BCR: variants seen among roughly 807,000 people sequenced by gnomAD.
BCR encodes BCR activator of RhoGEF and GTPase, also known as breakpoint cluster region protein.
Under a neutral mutation model 138.6 loss-of-function variants are expected in BCR, and 58 were observed. That is an observed-to-expected ratio of 0.42 (90% confidence interval 0.34 to 0.52). The LOEUF (loss-of-function observed/expected upper bound fraction) is 0.52. BCR is among the 20% of genes least tolerant of loss of function. The pLI, the probability that BCR is intolerant of heterozygous loss-of-function variation, is 0.06. For missense variants in BCR, 1,599 were observed against 1,727.2 expected, an observed-to-expected ratio of 0.93 and a Z score of 1.32; for synonymous variants, 786 against 730.1, an observed-to-expected ratio of 1.08 and a Z score of -1.23.
At chr22:23,303,151 T>G (rs1035248770) in intron 16 of BCR, among the ~76,000 whole-genome samples, 4 of 152,126 alleles carry the variant, frequency 2.6e-5, no homozygotes, top group African/African-American at 9.7e-5. Flanking sequence ...AAACTCTAGA[T>G]CCATTAAACA....
At chr22:23,216,498 G>A (rs1017251252) in intron 1 of BCR, among the ~76,000 whole-genome samples, 3 of 152,222 alleles carry the variant, frequency 2.0e-5, no homozygotes, top group Non-Finnish European at 4.4e-5. Context: ...TCATCCGATG[G>A]TAAGGATGAA....
intron 1 of BCR, among the ~76,000 whole-genome samples, chr22:23,210,408 C>T (rs1195388744): frequency 6.7e-6 from 1 of 149,656 alleles, no homozygotes; most frequent in Non-Finnish European, 1.5e-5. Context: ...CAGAGTAAGA[C>T]CCTGTCTCAA....
rs1176642153 is a variant in BCR, at chr22:23,284,057, C to T, written c.2196C>T (p.Thr732=). The T allele has an allele frequency of 4.3e-6, 7 of 1,610,478 alleles. No individual in the cohort carries two copies. The highest frequency in any genetic ancestry group is 2.2e-5 in the East Asian group (1 of 44,774). ...AGCTGCGCCACGTCTTCCTGTTCACCGACCTGCTTCTCTGCACCAAGCTCA... is the reference window on the plus strand; with the variant it reads ...AGCTGCGCCACGTCTTCCTGTTCACTGACCTGCTTCTCTGCACCAAGCTCA... ...ARKLRHVFLF[T]DLLLCTKLKK... Residue 732 remains threonine (T), a synonymous_variant, in exon 9 of 23, where the codon ACC becomes ACT. Transcript: ENST00000305877.
chr22:23,267,137 A>G (rs2073451625), intron 4 of BCR, among the ~76,000 whole-genome samples: 1 of 152,094 alleles, frequency 6.6e-6, no homozygotes, highest in Admixed American at 6.5e-5. Context: ...GCCGTGTCTG[A>G]ATTGTTTACC....
In BCR at chr22:23,180,894, GGCGCCGC is replaced by G. The variant is rs2072239025; in HGVS notation, c.-64_-58del. The G allele has an allele frequency of 1.9e-5, 16 of 839,516 alleles. No homozygotes were observed. Among genetic ancestry groups the G allele is most frequent in the African/African-American group, 6.3e-5 (1 of 15,832 alleles). The allele number at this position is 839,516 out of a possible 1,614,324, so 52.0% of individuals were successfully genotyped here. A position where few individuals can be genotyped will look rare whatever the true frequency, so the allele number is the denominator to read the frequency against. On this transcript the variant is annotated 5_prime_UTR_variant, in exon 1 of 23. The change creates a premature stop within an existing upstream ORF in the 5' untranslated region. Transcript: ENST00000305877. ...CCGGCGCCCGGGGCCGGGCTGGCGA[GGCGCCGC>G]GCCGCCGCTGAGACGGGCCCCGCGC...
intron 1 of BCR, among the ~76,000 whole-genome samples, chr22:23,236,995 CAGA>C (rs941157583): frequency 5.9e-5 from 9 of 152,196 alleles, no homozygotes; most frequent in South Asian, 2.1e-4. Context: ...GAGGATTTTC[CAGA>C]AGAAGTGCCA....
intron 1 of BCR, among the ~76,000 whole-genome samples, chr22:23,216,041 C>T (rs746215365): frequency 2.0e-5 from 3 of 152,200 alleles, no homozygotes; most frequent in African/African-American, 7.2e-5. Flanking sequence ...ATGTAACCTT[C>T]TGTTTCCCTT....
intron 10 of BCR, among the ~76,000 whole-genome samples, chr22:23,286,182 C>G (rs116152354): frequency 0.029 from 4,346 of 152,322 alleles, 172 homozygotes; most frequent in Admixed American, 0.094. Flanking sequence ...GCCCAGGTGG[C>G]AGTGCCACCC....
In BCR at chr22:23,310,184, G is replaced by A. The variant is rs532204580; in HGVS notation, c.3073-140G>A. 1.1e-3 allele frequency: 492 copies of A among 454,652 alleles called. 1 individual carries two copies. The highest frequency in any genetic ancestry group is 3.3e-3 in the Admixed American group (101 of 30,522). The allele number at this position is 454,652 out of a possible 1,614,324, so 28.2% of individuals were successfully genotyped here. On this transcript the variant is annotated intron_variant, in intron 17 of 22. Coordinates refer to ENST00000305877, the MANE Select transcript of BCR (RefSeq NM_004327.4). ...GCTGAAGTAGACTAGGGGCTTCCCC[G>A]AGGGGCGGCTCCACCTCATGCTGAG... is the stretch of plus-strand genomic sequence containing the variant.
intron 1 of BCR, among the ~76,000 whole-genome samples, chr22:23,203,107 G>A (rs113739229): frequency 0.011 from 1,741 of 151,532 alleles, 34 homozygotes; most frequent in African/African-American, 0.04. Flanking sequence ...TGATCTGCCC[G>A]CCTTGGCTTC....
rs1262118095 is a variant in BCR, at chr22:23,181,100, A to T, written c.140A>T (p.Gln47Leu). ...AAGGCCTCCATTCGGCGCCTGGAGC[A>T]GGAGGTGAACCAGGAGCGCTTCCGC... ...RCKASIRRLE[Q>L]EVNQERFRMI... is the part of the protein sequence containing the mutation. The change falls in exon 1 of 23, where the codon CAG becomes CTG. Residue 47 changes from glutamine to leucine, a missense_variant. Transcript: ENST00000305877. 3 of 1,511,354 alleles carry T rather than the reference A, an allele frequency of 2.0e-6. No individual in the cohort carries two copies. The highest frequency in any genetic ancestry group is 2.7e-6 in the Non-Finnish European group (3 of 1,123,228). The allele number at this position is 1,511,354 out of a possible 1,614,324, so 93.6% of individuals were successfully genotyped here.
intron 4 of BCR, chr22:23,262,113 C>G (rs2073367911): frequency 6.6e-6 from 1 of 150,616 alleles, no homozygotes; most frequent in South Asian, 2.1e-4. Context: ...TGTGCGCCAT[C>G]ACACCCTGTG....
At chr22:23,206,183 A>G (rs2072610755) in intron 1 of BCR, among the ~76,000 whole-genome samples, 1 of 152,228 alleles carries the variant, frequency 6.6e-6, no homozygotes, top group African/African-American at 2.4e-5. Context: ...AAGGCTGGCC[A>G]TGAGCTAATA....
At chr22:23,253,776 A>G (rs770075898) in intron 1 of BCR, 23 bp from the exon 2 acceptor site, 2 of 1,596,556 alleles carry the variant, frequency 1.3e-6, no homozygotes, top group South Asian at 2.2e-5. Context: ...TCTCTAACAC[A>G]GGATGCTTCT....
chr22:23,197,257 C>T (rs1251603528), intron 1 of BCR, among the ~76,000 whole-genome samples: 3 of 152,310 alleles, frequency 2.0e-5, no homozygotes, highest in Middle Eastern at 3.4e-3. Context: ...GGCTGTGCCA[C>T]GTAGCCTAGG....
chr22:23,305,193 C>A (rs1000834654), intron 16 of BCR, among the ~76,000 whole-genome samples: 1 of 151,770 alleles, frequency 6.6e-6, no homozygotes, highest in African/African-American at 2.4e-5. Context: ...GGCCTGTAAT[C>A]TCTCTCCTGG....
chr22:23,250,232 C>T (rs969496486), intron 1 of BCR, among the ~76,000 whole-genome samples: 1 of 151,918 alleles, frequency 6.6e-6, no homozygotes, highest in Non-Finnish European at 1.5e-5. Context: ...TGACCTTACA[C>T]GGGAGTCAGT....
intron 18 of BCR, among the ~76,000 whole-genome samples, chr22:23,310,651 C>T (rs2146327891): frequency 6.6e-6 from 1 of 152,288 alleles, no homozygotes; most frequent in East Asian, 1.9e-4. Context: ...TAGGCTGGCT[C>T]CAGGAACTGC....
rs2072562376 is a variant in BCR at position 23,202,314 on chromosome 22, AAT to A, written c.1279+20083_1279+20084del. ...TATTACTTTTTAAAAATTATGGTGA[AAT>A]ATATATACAAATTTGACATTTTAAC... On this transcript the variant is annotated intron_variant, in intron 1 of 22. Coordinates refer to ENST00000305877, the MANE Select transcript of BCR (RefSeq NM_004327.4). Among the ~76,000 whole-genome samples the A allele has an allele frequency of 2.0e-5, 3 of 152,256 alleles. No homozygotes were observed. In the South Asian group the frequency reaches 6.2e-4, roughly 32 times the overall value.
Sources: allele counts gnomAD v4.1 joint callset (sites outside exome capture counted in the v4.1 genomes callset), GRCh38; gene constraint gnomAD v4.1.1; transcripts MANE v1.5; gene names NCBI Gene and HGNC (gene_info 2026-07-23, HGNC 2026-07-21).